Variants in DENND4C observed in about 807,000 individuals in gnomAD.
DENND4C encodes DENN domain-containing protein 4C.
DENND4C carries 108 observed loss-of-function variants against 203.0 expected under a neutral mutation model. That is an observed-to-expected ratio of 0.53 (90% CI 0.46 to 0.62). The LOEUF (loss-of-function observed/expected upper bound fraction) is 0.62. Ranked by LOEUF, DENND4C falls within the 20% of genes least tolerant of loss-of-function variation. The pLI is 0.00. For missense variants in DENND4C, 2,481 were observed against 2,301.2 expected (o/e 1.08, Z -1.60); for synonymous variants, 871 against 792.4 (o/e 1.10, Z -1.67).
intron 12 of DENND4C, among the ~76,000 whole-genome samples, chr9:19,319,358 A>ATG (rs1396447785): frequency 4.2e-5 from 6 of 142,366 alleles, no homozygotes; most frequent in African/African-American, 1.6e-4. Context: ...ATACTTATAT[A>ATG]TACACACATA....
intron 5 of DENND4C, among the ~76,000 whole-genome samples, chr9:19,295,234 C>T (rs1169468060): frequency 6.6e-6 from 1 of 151,546 alleles, no homozygotes; most frequent in African/African-American, 2.4e-5. Context: ...AGGCCGGGCG[C>T]AGTGGCGCAC....
chr9:19,266,304 G>T (rs898091426), intron 1 of DENND4C, among the ~76,000 whole-genome samples: 10 of 151,946 alleles, frequency 6.6e-5, no homozygotes, highest in African/African-American at 2.4e-4. Flanking sequence ...TTGATGGGGT[G>T]GTTTGATTTT....
chr9:19,286,031 A>G (rs1356894786), intron 2 of DENND4C, among the ~76,000 whole-genome samples: 1 of 152,226 alleles, frequency 6.6e-6, no homozygotes, highest in Non-Finnish European at 1.5e-5. Context: ...TTTGACAAGA[A>G]AAAACAAAAG....
At position 19,328,128 on chromosome 9, in the gene DENND4C, A is replaced by G. The variant is rs760919025; in HGVS notation, c.2219A>G (p.Lys740Arg). 1.1e-5 allele frequency: 18 copies of G among 1,613,460 alleles called. 1 individual carries two copies. The South Asian group carries it at 1.5e-4, about 14-fold the overall frequency. Residue 740 changes from lysine to arginine, a missense_variant, in exon 16 of 33, where the codon AAG becomes AGG. By Grantham distance (26) the Lys-to-Arg change is conservative (BLOSUM62 2). Transcript: ENST00000434457. ...CACCCTACTGGGAATAGCATTACAA[A>G]GAGTCCACCTCTCATGGCTAAGAGA... ...SRHPTGNSIT[K>R]SPPLMAKRTK...
Position 19,352,656 on chromosome 9 carries a change from G to C in DENND4C, c.4772G>C (p.Gly1591Ala). 6.3e-7 allele frequency: 1 copy of C among 1,595,182 alleles called. No individual in the cohort carries two copies. The highest frequency in any genetic ancestry group is 1.8e-4 in the Middle Eastern group (1 of 5,656). The change falls in exon 26 of 33, where the codon GGT (glycine) becomes GCT (alanine). Residue 1591 changes from glycine (G) to alanine (A), a missense_variant. Transcript: ENST00000434457. The part of the protein sequence containing the change: ...LLNIEFKDLR[G>A]SASFFLKPST... ...AATATAGAATTCAAAGATTTGAGAG[G>C]TTCTGCAAGGTTAGTCTTATAAAAG...
At chr9:19,260,947 G>C (rs903551078) in intron 1 of DENND4C, among the ~76,000 whole-genome samples, 1 of 152,180 alleles carries the variant, frequency 6.6e-6, no homozygotes, top group Non-Finnish European at 1.5e-5. Context: ...CCCCAGACCA[G>C]TGTCCTGGAG....
intron 10 of DENND4C, among the ~76,000 whole-genome samples, chr9:19,306,385 A>G (rs1229846038): frequency 6.6e-6 from 1 of 152,204 alleles, no homozygotes; most frequent in African/African-American, 2.4e-5. Context: ...TAATTTTGAC[A>G]TGGATCTACC....
chr9:19,247,447 A>AT (rs1233581132), intron 1 of DENND4C, among the ~76,000 whole-genome samples: 24 of 152,152 alleles, frequency 1.6e-4, no homozygotes, highest in African/African-American at 5.8e-4. Context: ...CCAGGCCGAA[A>AT]TACAGTGATG....
chr9:19,350,322 T>C (rs1392481946), intron 23 of DENND4C, among the ~76,000 whole-genome samples: 2 of 152,212 alleles, frequency 1.3e-5, no homozygotes, highest in East Asian at 3.8e-4. Flanking sequence ...ATCTAATAAA[T>C]GGTGGAGAAC....
Position 19,305,438 on chromosome 9 carries a change from T to C in DENND4C, c.1398T>C (p.Phe466=). 6.2e-7 allele frequency: 1 copy of C among 1,614,060 alleles called. No individual in the cohort carries two copies. Among genetic ancestry groups the C allele is most frequent in the Non-Finnish European group, 8.5e-7 (1 of 1,179,960 alleles). Residue 466 remains phenylalanine, a synonymous_variant, in exon 10 of 33, where the codon TTT becomes TTC. Transcript: ENST00000434457. The part of the protein sequence containing the change: ...LAAVLSAPLP[F]IVGVDSRYFD... ...CAGTGCTTAGTGCACCTTTACCATT[T>C]ATAGTTGGAGTTGACTCAAGGTATT...
chr9:19,354,866 A>C (rs1238741292), intron 26 of DENND4C, among the ~76,000 whole-genome samples: 3 of 145,908 alleles, frequency 2.1e-5, no homozygotes, highest in African/African-American at 7.6e-5. Flanking sequence ...TTTTCTATGA[A>C]TTGGTTGCTT....
At chr9:19,370,781 A>G (rs1043850810) in intron 31 of DENND4C, among the ~76,000 whole-genome samples, 1 of 152,212 alleles carries the variant, frequency 6.6e-6, no homozygotes, top group Non-Finnish European at 1.5e-5. Context: ...CCTCCTCAAC[A>G]TAAGTGAATT....
chr9:19,335,314 A>T (rs1037416483), intron 18 of DENND4C, among the ~76,000 whole-genome samples: 1 of 152,184 alleles, frequency 6.6e-6, no homozygotes, highest in African/African-American at 2.4e-5. Context: ...GAATGGCTCA[A>T]TCGAGCTATT....
intron 4 of DENND4C, among the ~76,000 whole-genome samples, chr9:19,289,095 A>G (rs1835772251): frequency 6.6e-6 from 1 of 152,164 alleles, no homozygotes; most frequent in African/African-American, 2.4e-5. Context: ...TGAAAGGTGG[A>G]CTTGCTTCCT....
intron 1 of DENND4C, among the ~76,000 whole-genome samples, chr9:19,249,605 C>G (rs1826073850): frequency 6.6e-6 from 1 of 152,048 alleles, no homozygotes; most frequent in African/African-American, 2.4e-5. Flanking sequence ...CCTTTAGCCA[C>G]AAAACAGTAA....
chr9:19,245,621 C>T (rs1381273177), intron 1 of DENND4C, among the ~76,000 whole-genome samples: 1 of 152,110 alleles, frequency 6.6e-6, no homozygotes, highest in African/African-American at 2.4e-5. Flanking sequence ...CTTTGGAAGG[C>T]CGAGGCGGGT....
intron 26 of DENND4C, among the ~76,000 whole-genome samples, chr9:19,354,062 A>G (rs1005947463): frequency 6.6e-6 from 1 of 152,088 alleles, no homozygotes; most frequent in African/African-American, 2.4e-5. Context: ...CCCCTATTCT[A>G]CGAAGACACT....
intron 20 of DENND4C, among the ~76,000 whole-genome samples, chr9:19,339,221 G>A (rs7027039): frequency 0.023 from 3,480 of 152,058 alleles, 133 homozygotes; most frequent in African/African-American, 0.08. Flanking sequence ...ATTTTCTCTT[G>A]TATATAACCA....
chr9:19,348,217 A>G (rs1823330066), intron 23 of DENND4C, among the ~76,000 whole-genome samples: 1 of 152,210 alleles, frequency 6.6e-6, no homozygotes, highest in South Asian at 2.1e-4. Context: ...ATGATATTTG[A>G]AACTCAGAGA....
Sources: gnomAD v4.1 joint callset for allele counts (sites outside exome capture counted in the v4.1 genomes callset) on GRCh38, gnomAD v4.1.1 for gene constraint, MANE v1.5 for transcripts, NCBI Gene and HGNC (gene_info 2026-07-23, HGNC 2026-07-21) for gene names.